Variants in AHCY observed in about 807,000 individuals in gnomAD.
The protein encoded by AHCY is adenosylhomocysteinase, also known as S-adenosyl-L-homocysteine hydrolase.
A neutral mutation model predicts 45.4 loss-of-function variants in AHCY; 24 were observed. That is an observed-to-expected ratio of 0.53 (90% CI 0.38 to 0.74). The LOEUF (loss-of-function observed/expected upper bound fraction) is 0.74, where lower values mean the gene tolerates loss of function less well. AHCY is among the 30% of genes least tolerant of loss of function. The probability of loss-of-function intolerance (pLI) is 0.00; values close to 1 mark genes in which losing one functional copy is unlikely to be tolerated. For missense variants in AHCY, 449 were observed against 594.1 expected (o/e 0.76, Z 2.54); for synonymous variants, 245 against 235.1 (o/e 1.04, Z -0.39).
At chr20:34,289,665 A>G (rs2122752740) in intron 8 of AHCY, among the ~76,000 whole-genome samples, 1 of 151,474 alleles carries the variant, frequency 6.6e-6, no homozygotes, top group East Asian at 1.9e-4. Context: ...TTTAGTAGAG[A>G]TGGGGTTTCA....
the AHCY span, among the ~76,000 whole-genome samples, chr20:34,239,885 T>C: frequency 6.6e-6 from 1 of 152,232 alleles, no homozygotes; most frequent in Non-Finnish European, 1.5e-5. Flanking sequence ...TAACCTACTT[T>C]CTTCTGCAGA....
At chr20:34,289,864 G>A (rs1453480902) in intron 8 of AHCY, among the ~76,000 whole-genome samples, 1 of 151,930 alleles carries the variant, frequency 6.6e-6, no homozygotes, top group African/African-American at 2.4e-5. Context: ...CAGGTGATCC[G>A]CCCATCTCGG....
At chr20:34,269,144 C>T in the AHCY span, 1 of 1,548,082 alleles carries the variant, frequency 6.5e-7, no homozygotes, top group Non-Finnish European at 8.7e-7. Flanking sequence ...CTGCTCCTGC[C>T]GCGTGCTCAG....
chr20:34,295,360 C>A (rs1002108071), intron 2 of AHCY, 35 bp downstream of exon 2: 20 of 1,612,850 alleles, frequency 1.2e-5, no homozygotes, highest in Non-Finnish European at 1.6e-5. Context: ...CCAGGGAGGG[C>A]AAGGACTCTG....
the AHCY span, among the ~76,000 whole-genome samples, chr20:34,240,177 G>C: frequency 8.5e-5 from 13 of 152,172 alleles, no homozygotes; most frequent in Admixed American, 8.5e-4. Flanking sequence ...GAAGCATTTG[G>C]GAGCTGGCAA....
chr20:34,237,183 C>CT, the AHCY span, among the ~76,000 whole-genome samples: 1 of 151,924 alleles, frequency 6.6e-6, no homozygotes, highest in Non-Finnish European at 1.5e-5. Context: ...CAGCTTTATT[C>CT]TTTTTCAAGA....
At chr20:34,299,686 T>G (rs2036705171) in intron 1 of AHCY, among the ~76,000 whole-genome samples, 1 of 152,028 alleles carries the variant, frequency 6.6e-6, no homozygotes. Flanking sequence ...CATGTTGGAG[T>G]CCTCATGGCT....
the AHCY span, among the ~76,000 whole-genome samples, chr20:34,265,722 G>A: frequency 1.3e-5 from 2 of 152,018 alleles, no homozygotes; most frequent in Non-Finnish European, 1.5e-5. Flanking sequence ...GGCCAAGGAG[G>A]GTGGATCACC....
At chr20:34,236,100 G>A in the AHCY span, among the ~76,000 whole-genome samples, 1 of 147,198 alleles carries the variant, frequency 6.8e-6, no homozygotes, top group Non-Finnish European at 1.5e-5. Context: ...GAAGGAAGGA[G>A]AAAGAAAGGA....
intron 9 of AHCY, among the ~76,000 whole-genome samples, chr20:34,282,859 C>A (rs2036048147): frequency 6.6e-6 from 1 of 152,202 alleles, no homozygotes; most frequent in Non-Finnish European, 1.5e-5. Context: ...CCCTAAGGGA[C>A]CCCATCCTGT....
Position 34,280,607 on chromosome 20 carries a change from A to G in AHCY, c.*427T>C, listed in dbSNP as rs574438360. ...AACAACAGTTCCTCTTTGCCCTTCAATATAGCCCCTTCTCATCTGTCATGG... is the reference window on the plus strand; with the variant it reads ...AACAACAGTTCCTCTTTGCCCTTCAGTATAGCCCCTTCTCATCTGTCATGG... On this transcript the variant is annotated 3_prime_UTR_variant, in exon 10 of 10. Transcript: ENST00000217426. 5 of 276,288 alleles carry G rather than the reference A, an allele frequency of 1.8e-5. No homozygotes were observed. Among genetic ancestry groups the G allele is most frequent in the Non-Finnish European group, 2.8e-5 (4 of 140,572 alleles). 17.1% of individuals were successfully genotyped at this position (276,288 alleles called of 1,614,324 possible).
chr20:34,303,139 C>T lies in AHCY; in HGVS notation c.28+104G>A, dbSNP rs974193080. 5.9e-6 allele frequency: 9 copies of T among 1,525,952 alleles called. No individual in the cohort carries two copies. The Admixed American group carries it at 8.4e-5, about 14-fold the overall frequency. 94.5% of individuals were successfully genotyped at this position (1,525,952 alleles called of 1,614,324 possible). A position where few individuals can be genotyped will look rare whatever the true frequency, so the allele number is the denominator to read the frequency against. On this transcript the variant is annotated intron_variant, in intron 1 of 9. Transcript: ENST00000217426. ...CCAGAAACGCGCCGAGGCTGCGATT[C>T]CAGGGGGTCCAGAGAGCCCCGAGTC...
the AHCY span, chr20:34,262,764 C>T: frequency 3.7e-5 from 59 of 1,579,942 alleles, no homozygotes; most frequent in Middle Eastern, 5.0e-4. Flanking sequence ...CCCTCTGCCC[C>T]TCTCACTTCA....
At chr20:34,285,951 A>C (rs2036169298) in intron 8 of AHCY, 1 of 346,342 alleles carries the variant, frequency 2.9e-6, no homozygotes, top group East Asian at 7.2e-5. Context: ...AAAAAATACA[A>C]AAAATTAGCC....
chr20:34,258,700 A>ATATATATATATATATATATATACACATAC, the AHCY span, among the ~76,000 whole-genome samples: 3 of 77,918 alleles, frequency 3.9e-5, 1 homozygote, highest in Non-Finnish European at 2.4e-5. Context: ...TACATACTAT[A>ATATATATATATATATATATATACACATAC]TATATATATT....
the AHCY span, among the ~76,000 whole-genome samples, chr20:34,263,959 C>T: frequency 2.6e-5 from 4 of 152,096 alleles, no homozygotes; most frequent in Non-Finnish European, 4.4e-5. Context: ...GGGTGAGCCA[C>T]CTTGCCCAGC....
chr20:34,261,006 T>C, the AHCY span, among the ~76,000 whole-genome samples: 1 of 152,308 alleles, frequency 6.6e-6, no homozygotes, highest in Non-Finnish European at 1.5e-5. Flanking sequence ...AGACATACTG[T>C]GTGGTAGGCA....
the AHCY span, chr20:34,269,078 G>A: frequency 6.4e-7 from 1 of 1,574,290 alleles, no homozygotes; most frequent in South Asian, 1.2e-5. Context: ...CAAGCCGCCG[G>A]CACCCGCCTG....
the AHCY span, among the ~76,000 whole-genome samples, chr20:34,269,946 T>TAAAAAAAAA: frequency 4.2e-4 from 25 of 59,230 alleles, 1 homozygote; most frequent in African/African-American, 2.0e-3. Context: ...AACTCTGTCT[T>TAAAAAAAAA]AAAAAAAAAA....
Sources: gnomAD v4.1 joint callset for allele counts (sites outside exome capture counted in the v4.1 genomes callset) on GRCh38, gnomAD v4.1.1 for gene constraint, MANE v1.5 for transcripts, NCBI Gene and HGNC (gene_info 2026-07-23, HGNC 2026-07-21) for gene names.